PIK3C2G: variants seen among roughly 807,000 people sequenced by gnomAD.
PIK3C2G encodes phosphatidylinositol-4-phosphate 3-kinase catalytic subunit type 2 gamma.
PIK3C2G carries 168 observed loss-of-function variants against 181.1 expected under a neutral mutation model. That is an observed-to-expected ratio of 0.93 (90% CI 0.82 to 1.05). The LOEUF (loss-of-function observed/expected upper bound fraction) is 1.05. PIK3C2G is among the 50% of genes least tolerant of loss of function. The pLI is 0.00. For synonymous variants in PIK3C2G, 573 were observed against 592.2 expected, an observed-to-expected ratio of 0.97 and a Z score of 0.47; for missense variants, 1,869 against 1,732.8, an observed-to-expected ratio of 1.08 and a Z score of -1.40.
downstream of PIK3C2G, among the ~76,000 whole-genome samples, chr12:18,648,570 A>G (rs1351560509): frequency 6.6e-6 from 1 of 152,172 alleles, no homozygotes; most frequent in Non-Finnish European, 1.5e-5. Flanking sequence ...AAATTCTTAC[A>G]TTCAATTGTT....
the PIK3C2G span, chr12:18,713,041 C>A: frequency 6.3e-7 from 1 of 1,593,346 alleles, no homozygotes; most frequent in Non-Finnish European, 8.6e-7. Context: ...AAAATATATA[C>A]CAAAGTATTA....
chr12:18,471,580 A>T (rs1938461458), intron 18 of PIK3C2G, among the ~76,000 whole-genome samples: 1 of 152,036 alleles, frequency 6.6e-6, no homozygotes, highest in African/African-American at 2.4e-5. Context: ...AAACTTCCTT[A>T]CTACTTATTT....
At chr12:18,356,407 T>A (rs1219575162) in intron 11 of PIK3C2G, among the ~76,000 whole-genome samples, 2 of 152,044 alleles carry the variant, frequency 1.3e-5, no homozygotes, top group African/African-American at 4.8e-5. Context: ...TGCTTCTGGG[T>A]GCTGATAGGA....
intron 16 of PIK3C2G, among the ~76,000 whole-genome samples, chr12:18,415,776 T>C (rs915025554): frequency 6.6e-5 from 10 of 152,208 alleles, no homozygotes; most frequent in Admixed American, 1.3e-4. Context: ...ACAGTCTTAT[T>C]GCTGCAAGGG....
intron 18 of PIK3C2G, among the ~76,000 whole-genome samples, chr12:18,439,383 T>A (rs549570395): frequency 6.6e-6 from 1 of 152,192 alleles, no homozygotes; most frequent in South Asian, 2.1e-4. Context: ...ATAATACAGA[T>A]CAAGAAAGTA....
chr12:18,345,895 T>C (rs766214488), intron 10 of PIK3C2G, among the ~76,000 whole-genome samples: 6 of 152,150 alleles, frequency 3.9e-5, no homozygotes, highest in Non-Finnish European at 7.4e-5. Context: ...TCACAGCAGA[T>C]CTTAAGAACA....
intron 5 of PIK3C2G, among the ~76,000 whole-genome samples, chr12:18,295,116 TATA>T (rs1428359102): frequency 1.3e-5 from 2 of 149,912 alleles, no homozygotes; most frequent in Non-Finnish European, 3.0e-5. Flanking sequence ...ATTATTATTT[TATA>T]ATAAATAATT....
chr12:18,493,418 C>T (rs1398406590), intron 20 of PIK3C2G: 9 of 152,294 alleles, frequency 5.9e-5, no homozygotes, highest in African/African-American at 2.2e-4. Context: ...TGCCAAAAGC[C>T]CTATAAATAT....
At chr12:18,278,430 C>T (rs1949075291) in intron 1 of PIK3C2G, among the ~76,000 whole-genome samples, 1 of 152,126 alleles carries the variant, frequency 6.6e-6, no homozygotes, top group Non-Finnish European at 1.5e-5. Context: ...TACCCTGGGT[C>T]CAATGAGATA....
chr12:18,462,747 C>T (rs548824599), intron 18 of PIK3C2G, among the ~76,000 whole-genome samples: 114 of 152,148 alleles, frequency 7.5e-4, no homozygotes, highest in African/African-American at 1.6e-3. Context: ...AGTTTTTTGG[C>T]AAGTTGGGTT....
chr12:18,559,821 TAGAGAGAGAGAGAGAGAGAGAGAG>T (rs1171468138), intron 26 of PIK3C2G, among the ~76,000 whole-genome samples: 4 of 18,362 alleles, frequency 2.2e-4, no homozygotes, highest in Non-Finnish European at 3.8e-4. Flanking sequence ...TATATATATA[TAGAGAGAGAGAGAGAGAGAGAGAG>T]AGAGAGAGAG....
At chr12:18,594,598 C>G in intron 30 of PIK3C2G, 29 bp downstream of exon 30, 1 of 1,089,208 alleles carries the variant, frequency 9.2e-7, no homozygotes, top group Non-Finnish European at 1.3e-6. Context: ...ATATTACGTA[C>G]AGTGATTTTC....
At chr12:18,593,720 C>A (rs1385281887) in intron 29 of PIK3C2G, among the ~76,000 whole-genome samples, 1 of 151,808 alleles carries the variant, frequency 6.6e-6, no homozygotes, top group Non-Finnish European at 1.5e-5. Flanking sequence ...GTTAGCCATT[C>A]ATTTGGAGAT....
chr12:18,410,859 T>C (rs1051787948), intron 16 of PIK3C2G, among the ~76,000 whole-genome samples: 2 of 152,212 alleles, frequency 1.3e-5, no homozygotes, highest in African/African-American at 4.8e-5. Context: ...GACAGTGACT[T>C]TTTAAGATTA....
rs1241812212 is a variant in PIK3C2G at position 18,294,034 on chromosome 12, T to G, written c.1034+19T>G. ...TACAAAAGTAAGTATTTTATGAAAT[T>G]TTGGTTGTATTATAATCTGTAAATA... On this transcript the variant is annotated intron_variant, in intron 5 of 32. Coordinates refer to ENST00000538779, the MANE Select transcript of PIK3C2G (RefSeq NM_001288772.2). 1 of 1,153,614 alleles carries G rather than the reference T, an allele frequency of 8.7e-7. No individual in the cohort carries two copies. Among genetic ancestry groups the G allele is most frequent in the Admixed American group, 1.8e-5 (1 of 54,964 alleles). The allele number at this position is 1,153,614 out of a possible 1,614,324, so 71.5% of individuals were successfully genotyped here.
At chr12:18,594,454 T>C (rs769266208) in intron 29 of PIK3C2G, 40 bp from the exon 30 acceptor site, 2 of 1,263,984 alleles carry the variant, frequency 1.6e-6, no homozygotes, top group Non-Finnish European at 1.1e-6. Flanking sequence ...GTAACAAATA[T>C]AAGAAATAAA....
intron 18 of PIK3C2G, among the ~76,000 whole-genome samples, chr12:18,443,657 C>A (rs1343666816): frequency 6.6e-6 from 1 of 151,884 alleles, no homozygotes; most frequent in Non-Finnish European, 1.5e-5. Context: ...CTGAATGGGA[C>A]CTAATGAACA....
chr12:18,438,778 G>A (rs1046732322), intron 18 of PIK3C2G, among the ~76,000 whole-genome samples: 6 of 151,760 alleles, frequency 4.0e-5, no homozygotes, highest in Admixed American at 3.9e-4. Flanking sequence ...TTTCAACTCA[G>A]GCCTCTCCTA....
intron 18 of PIK3C2G, among the ~76,000 whole-genome samples, chr12:18,480,458 C>T (rs1020598767): frequency 2.6e-5 from 4 of 152,032 alleles, no homozygotes; most frequent in Admixed American, 6.6e-5. Flanking sequence ...ACATATGTTA[C>T]GTGTTAACAT....
Sources: allele counts gnomAD v4.1 joint callset (sites outside exome capture counted in the v4.1 genomes callset), GRCh38; gene constraint gnomAD v4.1.1; transcripts MANE v1.5; gene names NCBI Gene and HGNC (gene_info 2026-07-23, HGNC 2026-07-21).